The following KIAA1328 variants were observed in gnomAD, a reference collection of about 807,000 sequenced individuals.
KIAA1328 encodes protein hinderin.
In KIAA1328, 52 loss-of-function variants were observed where a neutral mutation model predicts 68.1. That is an observed-to-expected ratio of 0.76 (90% CI 0.61 to 0.96). KIAA1328 has a LOEUF of 0.96. Ranked by LOEUF, KIAA1328 falls within the 40% of genes least tolerant of loss-of-function variation. KIAA1328 has a pLI of 0.00. For missense variants in KIAA1328, 641 were observed against 677.6 expected (o/e 0.95, Z 0.60); for synonymous variants, 232 against 239.4 (o/e 0.97, Z 0.28).
rs138166175 is a variant in KIAA1328 at position 37,023,420 on chromosome 18, G to A, written c.577-43470G>A. On this transcript the variant is annotated intron_variant, in intron 6 of 9. Coordinates refer to ENST00000280020, the MANE Select transcript of KIAA1328 (RefSeq NM_020776.3). ...TTTAGAAGAGAGAAGATCTCACTAT[G>A]TTACCCAGGCTCCTTTTCTGTATTG... 3.9e-3 allele frequency among the ~76,000 whole-genome samples: 597 copies of A among 152,142 alleles called. 3 individuals are homozygous for A. Among genetic ancestry groups the A allele is most frequent in the Middle Eastern group, 0.017 (5 of 292 alleles).
chr18:37,231,659 G>A (rs773326970), downstream of KIAA1328: 2 of 152,900 alleles, frequency 1.3e-5, no homozygotes, highest in Non-Finnish European at 2.9e-5. Context: ...CTTCCTTGCA[G>A]GCCACAGCTG....
chr18:37,163,153 C>G (rs988079540), intron 8 of KIAA1328, among the ~76,000 whole-genome samples: 1 of 152,174 alleles, frequency 6.6e-6, no homozygotes, highest in African/African-American at 2.4e-5. Context: ...ACCAGCTTGC[C>G]TAGAACCCCC....
At chr18:36,989,791 T>TTC (rs2053098212) in intron 6 of KIAA1328, among the ~76,000 whole-genome samples, 1 of 151,912 alleles carries the variant, frequency 6.6e-6, no homozygotes, top group Non-Finnish European at 1.5e-5. Context: ...GCCCCCCGGG[T>TTC]TCATGCCGTT....
At chr18:36,964,109 G>A (rs1598839061) in intron 6 of KIAA1328, among the ~76,000 whole-genome samples, 2 of 152,160 alleles carry the variant, frequency 1.3e-5, no homozygotes, top group African/African-American at 4.8e-5. Context: ...TGGCACTATA[G>A]TTTGTTGAAG....
In KIAA1328 at chr18:36,848,541, C is replaced by CTTTTTTTTTTTTTTTTTTTTTT. The variant is rs59271370; in HGVS notation, c.332+4242_332+4263dup. On this transcript the variant is annotated intron_variant, in intron 4 of 9. Transcript: ENST00000280020. Reference sequence around the variant, plus strand: ...TTTTTTCCTTTCCAATCTATAGATGCTTTTTTTTTTTTTTTTTTTTTTTTG... The same window carrying CTTTTTTTTTTTTTTTTTTTTTT: ...TTTTTTCCTTTCCAATCTATAGATGCTTTTTTTTTTTTTTTTTTTTTTTTTTTTTTTTTTTTTTTTTTTTTTG... 3.7e-4 allele frequency among the ~76,000 whole-genome samples: 14 copies of CTTTTTTTTTTTTTTTTTTTTTT among 38,144 alleles called. 1 individual carries two copies. The highest frequency in any genetic ancestry group is 1.4e-3 in the Admixed American group (4 of 2,762). The allele number at this position is 38,144 out of a possible 152,430, so 25.0% of individuals were successfully genotyped here. A position where few individuals can be genotyped will look rare whatever the true frequency, so the allele number is the denominator to read the frequency against.
intron 5 of KIAA1328, among the ~76,000 whole-genome samples, chr18:36,904,692 T>C (rs2049154919): frequency 6.6e-6 from 1 of 152,158 alleles, no homozygotes; most frequent in Admixed American, 6.6e-5. Flanking sequence ...TACTTTTAAT[T>C]TGGATATTTA....
At chr18:37,106,876 T>C (rs533794503) in intron 7 of KIAA1328, among the ~76,000 whole-genome samples, 1 of 152,324 alleles carries the variant, frequency 6.6e-6, no homozygotes, top group South Asian at 2.1e-4. Flanking sequence ...TTAGAGTACA[T>C]AAGCTTTTCC....
At position 36,949,603 on chromosome 18, in the gene KIAA1328, C is replaced by A. The variant is rs539083664; in HGVS notation, c.449-9705C>A. Among the ~76,000 whole-genome samples, 38 of 95,548 alleles carry A rather than the reference C, an allele frequency of 4.0e-4. 2 individuals carry two copies. Among genetic ancestry groups the A allele is most frequent in the African/African-American group, 1.4e-3 (35 of 25,552 alleles). The allele number at this position is 95,548 out of a possible 152,430, so 62.7% of individuals were successfully genotyped here. A position where few individuals can be genotyped will look rare whatever the true frequency, so the allele number is the denominator to read the frequency against. Reference sequence around the variant, plus strand: ...AAGTCTGTTTCTACCCAGCTCCCCCCCCCCCACCCCCCGATCTTGATTTGC... The same window carrying A: ...AAGTCTGTTTCTACCCAGCTCCCCCACCCCCACCCCCCGATCTTGATTTGC... On this transcript the variant is annotated intron_variant, in intron 5 of 9. Transcript: ENST00000280020.
intron 7 of KIAA1328, among the ~76,000 whole-genome samples, chr18:37,122,064 A>G (rs1019092182): frequency 1.3e-5 from 2 of 152,132 alleles, no homozygotes; most frequent in East Asian, 1.9e-4. Context: ...ATGACATGAC[A>G]TGAAGCTAAA....
intron 6 of KIAA1328, among the ~76,000 whole-genome samples, 194 bp from the exon 7 acceptor site, chr18:37,066,696 G>A (rs1428681858): frequency 6.6e-6 from 1 of 152,178 alleles, no homozygotes; most frequent in East Asian, 1.9e-4. Context: ...ATTTACTGAA[G>A]GGTAGGTTGT....
At chr18:37,122,190 A>T (rs1193027384) in intron 7 of KIAA1328, among the ~76,000 whole-genome samples, 1 of 152,160 alleles carries the variant, frequency 6.6e-6, no homozygotes, top group Non-Finnish European at 1.5e-5. Flanking sequence ...AAATTGTGTC[A>T]TAAAAGTCAA....
At chr18:37,127,153 T>G (rs2058413339) in intron 7 of KIAA1328, among the ~76,000 whole-genome samples, 1 of 152,184 alleles carries the variant, frequency 6.6e-6, no homozygotes, top group South Asian at 2.1e-4. Flanking sequence ...ATTATCTACT[T>G]AGAAAATTCT....
chr18:37,061,342 G>A (rs996784100), intron 6 of KIAA1328, among the ~76,000 whole-genome samples: 1 of 152,148 alleles, frequency 6.6e-6, no homozygotes, highest in African/African-American at 2.4e-5. Context: ...AGGTGCTATC[G>A]ACTAGAAAGG....
chr18:37,103,872 T>C (rs115476613), intron 7 of KIAA1328, among the ~76,000 whole-genome samples: 1,632 of 151,876 alleles, frequency 0.011, 37 homozygotes, highest in African/African-American at 0.037. Context: ...TGAATAGGTA[T>C]TTCTCAAAAG....
chr18:36,847,578 T>C (rs2047070449), intron 4 of KIAA1328, among the ~76,000 whole-genome samples: 1 of 151,566 alleles, frequency 6.6e-6, no homozygotes, highest in Non-Finnish European at 1.5e-5. Flanking sequence ...TGTCAAATCT[T>C]TTTCCCCTTT....
intron 7 of KIAA1328, among the ~76,000 whole-genome samples, chr18:37,149,071 A>C (rs1482642975): frequency 3.3e-5 from 5 of 152,176 alleles, no homozygotes; most frequent in Admixed American, 2.0e-4. Context: ...ATTAGAAGAA[A>C]CTATTTTAAA....
At chr18:36,928,668 G>T (rs1420414014) in intron 5 of KIAA1328, among the ~76,000 whole-genome samples, 1 of 152,132 alleles carries the variant, frequency 6.6e-6, no homozygotes, top group Admixed American at 6.5e-5. Flanking sequence ...ATGTATAGGG[G>T]TGAGAGAGAG....
chr18:36,846,574 A>G (rs1462389398), intron 4 of KIAA1328, among the ~76,000 whole-genome samples: 4 of 151,504 alleles, frequency 2.6e-5, no homozygotes, highest in African/African-American at 9.7e-5. Flanking sequence ...GATATACAGC[A>G]TTTATGTTAC....
intron 6 of KIAA1328, among the ~76,000 whole-genome samples, chr18:37,052,534 A>T (rs1486896381): frequency 1.3e-5 from 2 of 152,136 alleles, no homozygotes; most frequent in Non-Finnish European, 2.9e-5. Context: ...CAAACAGAAA[A>T]AGAGGACGTC....
Sources: allele counts gnomAD v4.1 joint callset (sites outside exome capture counted in the v4.1 genomes callset), GRCh38; gene constraint gnomAD v4.1.1; transcripts MANE v1.5; gene names NCBI Gene and HGNC (gene_info 2026-07-23, HGNC 2026-07-21).